FGF13: variants seen among roughly 807,000 people sequenced by gnomAD.
FGF13 encodes fibroblast growth factor 13.
Under a neutral mutation model 19.5 loss-of-function variants are expected in FGF13, and 2 were observed. The ratio of observed to expected loss-of-function variants is 0.10; its 90% confidence interval spans 0.04 to 0.32. The LOEUF (loss-of-function observed/expected upper bound fraction) is 0.32. FGF13 is among the 10% of genes least tolerant of loss of function. The probability of loss-of-function intolerance (pLI) is 1.00; values close to 1 mark genes in which losing one functional copy is unlikely to be tolerated. For synonymous variants in FGF13, 72 were observed against 76.9 expected (o/e 0.94, Z 0.33); for missense variants, 113 against 192.7 (o/e 0.59, Z 2.45).
intron 1 of FGF13, among the ~76,000 whole-genome samples, chrX:139,160,280 C>A (rs747709790): frequency 1.5e-3 from 169 of 112,133 alleles, no homozygotes; most frequent in African/African-American, 5.3e-3. Context: ...TAAATAACTT[C>A]TTTGAAACCA....
intron 3 of FGF13, among the ~76,000 whole-genome samples, chrX:138,676,094 A>G (rs1344230914): frequency 8.9e-6 from 1 of 112,461 alleles, no homozygotes; most frequent in Non-Finnish European, 1.9e-5. Context: ...TTTTACTTTA[A>G]ACAAGAAATA....
At chrX:138,867,794 T>G (rs2091335907) in intron 1 of FGF13, among the ~76,000 whole-genome samples, 1 of 98,022 alleles carries the variant, frequency 1.0e-5, no homozygotes, top group Admixed American at 1.1e-4. Flanking sequence ...TCTATCTATC[T>G]ATCTATCTAT....
intron 1 of FGF13, among the ~76,000 whole-genome samples, chrX:138,973,609 A>G (rs1424348117): frequency 2.7e-5 from 3 of 111,749 alleles, no homozygotes; most frequent in Non-Finnish European, 5.6e-5. Flanking sequence ...GTCCCTTACT[A>G]TTATATTGCA....
chrX:138,781,712 T>C (rs1338032369), intron 3 of FGF13, among the ~76,000 whole-genome samples: 2 of 111,672 alleles, frequency 1.8e-5, no homozygotes, highest in South Asian at 3.8e-4. Flanking sequence ...GATTCACAGC[T>C]GAATTCTACC....
At chrX:138,655,687 A>C (rs2089429228) in intron 3 of FGF13, among the ~76,000 whole-genome samples, 1 of 111,700 alleles carries the variant, frequency 9.0e-6, no homozygotes, top group Admixed American at 9.5e-5. Flanking sequence ...TTAGCCAATC[A>C]GTAATGATAC....
At chrX:138,919,121 T>C (rs1338407404) in intron 1 of FGF13, among the ~76,000 whole-genome samples, 1 of 111,813 alleles carries the variant, frequency 8.9e-6, no homozygotes, top group Non-Finnish European at 1.9e-5. Context: ...CTGATAAACA[T>C]TGCTACATTA....
intron 1 of FGF13, among the ~76,000 whole-genome samples, chrX:138,992,204 G>A (rs1035492681): frequency 1.5e-4 from 17 of 110,432 alleles, no homozygotes; most frequent in Admixed American, 8.8e-4. Flanking sequence ...TTTAGCTGTC[G>A]ATTTAGGAGT....
intron 1 of FGF13, among the ~76,000 whole-genome samples, chrX:138,932,055 C>T (rs1465965124): frequency 9.1e-6 from 1 of 109,624 alleles, no homozygotes; most frequent in African/African-American, 3.4e-5. Flanking sequence ...CAGCAGTTTG[C>T]AGCAGTTCAC....
At chrX:138,805,457 G>A (rs1188070757) in intron 3 of FGF13, among the ~76,000 whole-genome samples, 2 of 111,373 alleles carry the variant, frequency 1.8e-5, no homozygotes, top group Admixed American at 1.9e-4. Flanking sequence ...TTGCCTGCAT[G>A]GATTGTATTT....
intron 1 of FGF13, among the ~76,000 whole-genome samples, chrX:138,913,684 G>A (rs769586773): frequency 3.9e-5 from 4 of 101,799 alleles, no homozygotes; most frequent in East Asian, 3.0e-4. Context: ...AAGGAAGGAA[G>A]GAAGGAAGGA....
intron 1 of FGF13, among the ~76,000 whole-genome samples, chrX:139,125,911 C>T (rs1160263166): frequency 1.8e-5 from 2 of 111,923 alleles, no homozygotes; most frequent in Non-Finnish European, 3.8e-5. Context: ...ATCCCATGTA[C>T]ACCCTCAACC....
chrX:138,808,977 C>A (rs2090897193), intron 3 of FGF13, among the ~76,000 whole-genome samples: 1 of 111,311 alleles, frequency 9.0e-6, no homozygotes, highest in Admixed American at 9.5e-5. Context: ...AAAAAAAGTC[C>A]AGGACCTGAT....
At chrX:139,057,622 T>C (rs2092323960) in intron 1 of FGF13, among the ~76,000 whole-genome samples, 1 of 111,714 alleles carries the variant, frequency 9.0e-6, no homozygotes, top group African/African-American at 3.3e-5. Context: ...CACCACAAAG[T>C]AGAAAAAGCT....
intron 3 of FGF13, among the ~76,000 whole-genome samples, chrX:138,792,496 G>A (rs748544796): frequency 1.3e-3 from 146 of 111,686 alleles, no homozygotes; most frequent in Non-Finnish European, 2.4e-3. Context: ...TGAGCATTCT[G>A]AGTCCTAGAG....
chrX:138,625,483 T>A lies in FGF13; in HGVS notation c.*7367A>T, dbSNP rs144081117. On this transcript the variant is annotated 3_prime_UTR_variant, in exon 5 of 5. Coordinates refer to ENST00000315930, the MANE Select transcript of FGF13 (RefSeq NM_004114.5). ...TTATATATATATACATATATATATA[T>A]AATATATATATATACATATATATAT... 756 of 90,009 alleles carry A rather than the reference T, an allele frequency of 8.4e-3. 11 individuals are homozygous for A. Among genetic ancestry groups the A allele is most frequent in the African/African-American group, 0.036 (709 of 19,723 alleles). 7.4% of individuals were successfully genotyped at this position (90,009 alleles called of 1,213,427 possible).
At chrX:138,780,687 G>A (rs1422737272) in intron 3 of FGF13, among the ~76,000 whole-genome samples, 2 of 105,539 alleles carry the variant, frequency 1.9e-5, no homozygotes, top group Non-Finnish European at 3.9e-5. Flanking sequence ...GACCTACAAA[G>A]AGACTTAGAC....
intron 1 of FGF13, among the ~76,000 whole-genome samples, chrX:138,892,025 T>TGC (rs2091480642): frequency 1.8e-5 from 2 of 109,318 alleles, no homozygotes; most frequent in South Asian, 8.0e-4. Context: ...TGTGTGTGTG[T>TGC]GTGTGTGTAT....
At chrX:138,715,819 C>A (rs2124265544), upstream of FGF13, 1 of 112,405 alleles carries the variant, frequency 8.9e-6, no homozygotes, top group Admixed American at 9.4e-5. Flanking sequence ...TTTTAGCATT[C>A]TTTTCAGAGA....
intron 1 of FGF13, among the ~76,000 whole-genome samples, chrX:139,183,016 C>T (rs1332196767): frequency 9.0e-6 from 1 of 111,041 alleles, no homozygotes; most frequent in Non-Finnish European, 1.9e-5. Flanking sequence ...CAGTTCCCTC[C>T]CTCCTCACCA....
Sources: gnomAD v4.1 joint callset for allele counts (sites outside exome capture counted in the v4.1 genomes callset) on GRCh38, gnomAD v4.1.1 for gene constraint, MANE v1.5 for transcripts, NCBI Gene and HGNC (gene_info 2026-07-23, HGNC 2026-07-21) for gene names.